Variants in KCNN2 observed in about 807,000 individuals in gnomAD.
The protein encoded by KCNN2 is potassium calcium-activated channel subfamily N member 2.
KCNN2 carries 24 observed loss-of-function variants against 55.5 expected under a neutral mutation model. That is an observed-to-expected ratio of 0.43 (90% CI 0.31 to 0.61). The LOEUF is 0.61. KCNN2 is among the 20% of genes least tolerant of loss of function. The pLI is 0.08. For missense variants in KCNN2, 754 were observed against 853.6 expected (o/e 0.88, Z 1.45); for synonymous variants, 431 against 336.1 (o/e 1.28, Z -3.09).
At chr5:114,459,980 A>G (rs1349556110) in intron 3 of KCNN2, among the ~76,000 whole-genome samples, 1 of 152,150 alleles carries the variant, frequency 6.6e-6, no homozygotes, top group Non-Finnish European at 1.5e-5. Context: ...GCTTGCCTAA[A>G]TGTTCCAGTG....
intron 2 of KCNN2, among the ~76,000 whole-genome samples, chr5:114,324,514 C>T (rs1208836477): frequency 2.6e-5 from 4 of 152,118 alleles, no homozygotes. Context: ...AAATAGATGG[C>T]CTCTAGAAGG....
chr5:114,153,169 T>C (rs567010365), intron 1 of KCNN2, among the ~76,000 whole-genome samples: 3 of 152,190 alleles, frequency 2.0e-5, no homozygotes, highest in East Asian at 3.8e-4. Flanking sequence ...CAATTAGATA[T>C]ATGAGTCAGA....
At chr5:114,396,956 A>G (rs1040933128) in intron 2 of KCNN2, among the ~76,000 whole-genome samples, 1 of 152,086 alleles carries the variant, frequency 6.6e-6, no homozygotes, top group African/African-American at 2.4e-5. Flanking sequence ...GCTCCCACTT[A>G]TAAGTAAGAA....
intron 2 of KCNN2, among the ~76,000 whole-genome samples, chr5:114,278,723 G>T (rs1385694880): frequency 6.6e-6 from 1 of 152,202 alleles, no homozygotes; most frequent in Non-Finnish European, 1.5e-5. Flanking sequence ...AGACCATGGG[G>T]AAAGTGCAGT....
chr5:114,332,413 A>T (rs1756840934), intron 2 of KCNN2, among the ~76,000 whole-genome samples: 1 of 152,252 alleles, frequency 6.6e-6, no homozygotes, highest in Non-Finnish European at 1.5e-5. Flanking sequence ...GAAGTAGCAT[A>T]AAAGATTCTG....
intron 2 of KCNN2, among the ~76,000 whole-genome samples, chr5:114,264,437 A>G (rs1276971878): frequency 6.6e-6 from 1 of 152,194 alleles, no homozygotes; most frequent in Non-Finnish European, 1.5e-5. Context: ...CATGAAATAT[A>G]AATTAAAAAT....
At chr5:114,275,081 A>G (rs941747351) in intron 2 of KCNN2, among the ~76,000 whole-genome samples, 9 of 152,168 alleles carry the variant, frequency 5.9e-5, no homozygotes, top group African/African-American at 2.2e-4. Context: ...ATCTCCATCT[A>G]TTGAGATAAT....
intron 1 of KCNN2, among the ~76,000 whole-genome samples, chr5:114,129,245 A>C (rs1222540479): frequency 1.3e-5 from 2 of 152,204 alleles, no homozygotes. Flanking sequence ...AGCCAAACCC[A>C]GCTGGTATCC....
intron 2 of KCNN2, among the ~76,000 whole-genome samples, chr5:114,255,798 A>T (rs969059891): frequency 2.0e-5 from 3 of 152,120 alleles, no homozygotes; most frequent in African/African-American, 4.8e-5. Context: ...GAGGTAGTAA[A>T]ATCAGGTCTT....
chr5:114,491,759 G>A (rs1470606381), intron 6 of KCNN2, among the ~76,000 whole-genome samples: 1 of 151,996 alleles, frequency 6.6e-6, no homozygotes. Context: ...GGAAACTAAA[G>A]GTCCAGTTAG....
chr5:114,363,969 C>T lies in KCNN2; in HGVS notation c.1186C>T (p.Leu396=). 6.2e-7 allele frequency: 1 copy of T among 1,613,988 alleles called. No individual in the cohort carries two copies. Among genetic ancestry groups the T allele is most frequent in the East Asian group, 2.2e-5 (1 of 44,882 alleles). The change falls in exon 2 of 8, where the codon CTG becomes TTG. Residue 396 remains leucine, a synonymous_variant. Transcript: ENST00000673685. ...ISLSTIILLG[L]IIVYHAREIQ... ...TCTCTCCACGATCATCCTGCTCGGT[C>T]TGATCATCGTGTACCACGCCAGGGA...
intron 1 of KCNN2, among the ~76,000 whole-genome samples, chr5:114,148,983 A>G (rs1435232588): frequency 6.6e-6 from 1 of 152,102 alleles, no homozygotes; most frequent in Middle Eastern, 3.2e-3. Flanking sequence ...GAAGTAAAAC[A>G]CCATCTCTCA....
intron 1 of KCNN2, among the ~76,000 whole-genome samples, chr5:114,111,476 C>A (rs866987645): frequency 2.0e-5 from 3 of 152,132 alleles, no homozygotes; most frequent in African/African-American, 4.8e-5. Context: ...CCCAAATTGA[C>A]AAATGGGATC....
At chr5:114,302,561 G>T (rs1011702854) in intron 2 of KCNN2, among the ~76,000 whole-genome samples, 1 of 152,148 alleles carries the variant, frequency 6.6e-6, no homozygotes, top group Non-Finnish European at 1.5e-5. Context: ...GTTGGCAAAA[G>T]AAAGAAAGGC....
intron 1 of KCNN2, among the ~76,000 whole-genome samples, chr5:114,221,084 C>T (rs762697928): frequency 2.0e-5 from 3 of 152,154 alleles, no homozygotes; most frequent in African/African-American, 4.8e-5. Context: ...CTATATGACA[C>T]GTTTATGTGA....
chr5:114,393,310 T>C (rs1253462765), intron 2 of KCNN2, among the ~76,000 whole-genome samples: 2 of 152,196 alleles, frequency 1.3e-5, no homozygotes, highest in Admixed American at 1.3e-4. Context: ...TTGAAAACAG[T>C]TATGTAATGT....
chr5:114,265,313 C>T (rs1755187059), intron 2 of KCNN2, among the ~76,000 whole-genome samples: 1 of 150,436 alleles, frequency 6.6e-6, no homozygotes, highest in African/African-American at 2.5e-5. Context: ...GAAACAGAAC[C>T]ATCAAGAGGA....
chr5:114,269,493 CCTTT>C (rs1178343103), intron 2 of KCNN2, among the ~76,000 whole-genome samples: 2 of 87,684 alleles, frequency 2.3e-5, no homozygotes, highest in Non-Finnish European at 5.1e-5. Context: ...GTGGTTCTCA[CCTTT>C]TTTTTTTTTT....
At chr5:114,271,545 A>G (rs777983904) in intron 2 of KCNN2, among the ~76,000 whole-genome samples, 1 of 152,204 alleles carries the variant, frequency 6.6e-6, no homozygotes, top group Non-Finnish European at 1.5e-5. Flanking sequence ...TGTATAAATA[A>G]TGAGAGTGAT....
Sources: allele counts gnomAD v4.1 joint callset (sites outside exome capture counted in the v4.1 genomes callset), GRCh38; gene constraint gnomAD v4.1.1; transcripts MANE v1.5; gene names NCBI Gene and HGNC (gene_info 2026-07-23, HGNC 2026-07-21).